ATXN7: variants seen among roughly 807,000 people sequenced by gnomAD.
ATXN7 encodes ataxin 7.
ATXN7 carries 12 observed loss-of-function variants against 70.5 expected under a neutral mutation model. The ratio of observed to expected loss-of-function variants is 0.17; its 90% confidence interval spans 0.11 to 0.28. The LOEUF is 0.28. Among genes scored for constraint, ATXN7 ranks in the 10% least tolerant of loss-of-function variants. The pLI, the probability that ATXN7 is intolerant of heterozygous loss-of-function variation, is 1.00. For synonymous variants in ATXN7, 498 were observed against 448.7 expected (o/e 1.11, Z -1.39); for missense variants, 1,256 against 1,131.7 (o/e 1.11, Z -1.58).
chr3:63,996,595 A>T, intron 12 of ATXN7, 112 bp downstream of exon 12: 16 of 659,800 alleles, frequency 2.4e-5, no homozygotes, highest in Middle Eastern at 3.2e-4. Context: ...GTAAACAGAT[A>T]TTCAGCTTCA....
chr3:63,886,924 C>G (rs1575848632), intron 1 of ATXN7, among the ~76,000 whole-genome samples: 1 of 152,254 alleles, frequency 6.6e-6, no homozygotes, highest in South Asian at 2.1e-4. Context: ...ACTGGCATGA[C>G]TTTTTTCCCC....
chr3:63,980,522 A>G, intron 6 of ATXN7: 1 of 221,622 alleles, frequency 4.5e-6, no homozygotes, highest in Non-Finnish European at 9.1e-6. Flanking sequence ...GAGGTGGGGG[A>G]GTTTTGTCCA....
chr3:63,911,710 C>T (rs1167260065), intron 2 of ATXN7: 1 of 152,304 alleles, frequency 6.6e-6, no homozygotes, highest in African/African-American at 2.4e-5. Context: ...AGTGTGACTT[C>T]CAATTGCGGG....
intron 3 of ATXN7, 76 bp downstream of exon 3, chr3:63,912,999 C>T (rs1374098514): frequency 1.7e-5 from 25 of 1,443,428 alleles, no homozygotes; most frequent in Admixed American, 1.2e-4. Flanking sequence ...CCCTGCCCCC[C>T]TCCTGTGACC....
At chr3:63,883,933 G>A (rs1349945533) in intron 1 of ATXN7, among the ~76,000 whole-genome samples, 2 of 152,032 alleles carry the variant, frequency 1.3e-5, no homozygotes, top group Non-Finnish European at 2.9e-5. Flanking sequence ...ATGGTAGCCT[G>A]ATTACCAAGC....
intron 1 of ATXN7, among the ~76,000 whole-genome samples, chr3:63,878,986 CAGCCTCTTG>C (rs1357030049): frequency 6.6e-6 from 1 of 152,184 alleles, no homozygotes; most frequent in Admixed American, 6.5e-5. Context: ...CCATAGAGGT[CAGCCTCTTG>C]GGACTCAGCA....
intron 4 of ATXN7, among the ~76,000 whole-genome samples, chr3:63,950,859 A>G (rs1436586981): frequency 1.3e-5 from 2 of 152,134 alleles, no homozygotes; most frequent in Non-Finnish European, 2.9e-5. Context: ...ATCAGTTTAT[A>G]CCATCAAAGA....
intron 1 of ATXN7, among the ~76,000 whole-genome samples, chr3:63,880,633 A>G (rs980211062): frequency 6.6e-6 from 1 of 151,942 alleles, no homozygotes; most frequent in African/African-American, 2.4e-5. Context: ...CTGAGATTTC[A>G]TTTGTCTGGG....
chr3:63,891,584 A>C (rs1703265233), intron 1 of ATXN7, among the ~76,000 whole-genome samples: 1 of 152,070 alleles, frequency 6.6e-6, no homozygotes, highest in African/African-American at 2.4e-5. Flanking sequence ...CAGCCTCCCA[A>C]GGTGCTGGGA....
At chr3:63,902,511 G>T (rs1703679832) in intron 2 of ATXN7, among the ~76,000 whole-genome samples, 2 of 152,198 alleles carry the variant, frequency 1.3e-5, no homozygotes, top group Admixed American at 1.3e-4. Context: ...TCAGAAATGT[G>T]TACTTTATGT....
chr3:63,889,096 T>C (rs1703180078), intron 1 of ATXN7, among the ~76,000 whole-genome samples: 1 of 152,218 alleles, frequency 6.6e-6, no homozygotes, highest in South Asian at 2.1e-4. Context: ...TACTCTGTGT[T>C]GCTATATTTG....
intron 4 of ATXN7, among the ~76,000 whole-genome samples, chr3:63,937,940 C>T (rs1178984870): frequency 6.6e-6 from 1 of 152,182 alleles, no homozygotes. Flanking sequence ...ACTTAGCACA[C>T]TGTTTGGCCC....
intron 9 of ATXN7, 25 bp downstream of exon 9, chr3:63,988,349 C>A (rs745371155): frequency 4.3e-6 from 7 of 1,613,152 alleles, no homozygotes; most frequent in South Asian, 3.3e-5. Flanking sequence ...CCAACTCTTT[C>A]TCCCACCTTC....
intron 1 of ATXN7, 67 bp from the exon 2 acceptor site, chr3:63,898,332 T>C (rs1292337270): frequency 6.6e-6 from 1 of 152,204 alleles, no homozygotes; most frequent in Admixed American, 6.5e-5. Flanking sequence ...ACCAATGAGA[T>C]TGTATGTTTC....
chr3:63,952,185 C>T (rs2074965948), intron 4 of ATXN7, among the ~76,000 whole-genome samples, 194 bp from the exon 5 acceptor site: 1 of 152,190 alleles, frequency 6.6e-6, no homozygotes, highest in Non-Finnish European at 1.5e-5. Flanking sequence ...ATTTTTGGTG[C>T]ACTTTAACCC....
At chr3:63,893,624 C>G (rs1703354765) in intron 1 of ATXN7, among the ~76,000 whole-genome samples, 1 of 152,126 alleles carries the variant, frequency 6.6e-6, no homozygotes, top group African/African-American at 2.4e-5. Flanking sequence ...TTGAGAAAGC[C>G]CTAGGACTGA....
At chr3:63,874,927 G>T (rs932043870) in intron 1 of ATXN7, among the ~76,000 whole-genome samples, 1 of 152,158 alleles carries the variant, frequency 6.6e-6, no homozygotes, top group African/African-American at 2.4e-5. Flanking sequence ...AGCAGATTGT[G>T]TGTCTGATGA....
chr3:63,958,855 T>C (rs1465967743), intron 5 of ATXN7, among the ~76,000 whole-genome samples: 6 of 152,176 alleles, frequency 3.9e-5, no homozygotes, highest in African/African-American at 9.7e-5. Context: ...AGATAAAATA[T>C]ACCAACCAGA....
intron 8 of ATXN7, 38 bp downstream of exon 8, chr3:63,983,059 T>TA: frequency 6.6e-7 from 1 of 1,507,348 alleles, no homozygotes; most frequent in East Asian, 2.3e-5. Flanking sequence ...ACCATCCTGA[T>TA]AAACATGGGT....
Sources: gnomAD v4.1 joint callset for allele counts (sites outside exome capture counted in the v4.1 genomes callset) on GRCh38, gnomAD v4.1.1 for gene constraint, MANE v1.5 for transcripts, NCBI Gene and HGNC (gene_info 2026-07-23, HGNC 2026-07-21) for gene names.